Variants in NCOA1 observed in about 807,000 individuals in gnomAD.
NCOA1 encodes the protein Hin-2 protein.
A neutral mutation model predicts 150.9 loss-of-function variants in NCOA1; 35 were observed. The ratio of observed to expected loss-of-function variants is 0.23; its 90% CI spans 0.18 to 0.31. NCOA1 has a LOEUF of 0.31. Ranked by LOEUF, NCOA1 falls within the 10% of genes least tolerant of loss-of-function variation. NCOA1 has a pLI of 1.00. For missense variants in NCOA1, 1,491 were observed against 1,749.3 expected (o/e 0.85, Z 2.63); for synonymous variants, 590 against 630.0 (o/e 0.94, Z 0.95).
intron 5 of NCOA1, among the ~76,000 whole-genome samples, chr2:24,661,432 G>C (rs763205806): frequency 2.0e-5 from 3 of 152,074 alleles, no homozygotes; most frequent in Non-Finnish European, 4.4e-5. Context: ...GTTTATAACT[G>C]ATGCAAGTAT....
chr2:24,649,551 C>T (rs1376939383), intron 4 of NCOA1, among the ~76,000 whole-genome samples: 2 of 152,076 alleles, frequency 1.3e-5, no homozygotes, highest in Non-Finnish European at 2.9e-5. Flanking sequence ...CTAATTTGTT[C>T]TAATAAGATA....
intron 3 of NCOA1, among the ~76,000 whole-genome samples, chr2:24,589,807 C>T (rs903551698): frequency 1.3e-5 from 2 of 152,212 alleles, no homozygotes; most frequent in Non-Finnish European, 2.9e-5. Context: ...ACATTCTTTT[C>T]TTCTGCCCCA....
At chr2:24,609,821 A>G (rs903879967) in intron 3 of NCOA1, among the ~76,000 whole-genome samples, 3 of 152,042 alleles carry the variant, frequency 2.0e-5, no homozygotes, top group African/African-American at 7.2e-5. Context: ...ATTGATGGGA[A>G]TACATTCTCT....
intron 10 of NCOA1, among the ~76,000 whole-genome samples, chr2:24,694,770 C>T (rs913807648): frequency 4.7e-4 from 72 of 151,654 alleles, no homozygotes; most frequent in African/African-American, 1.7e-3. Context: ...ATTTAATAAA[C>T]GTACTATGGA....
chr2:24,755,749 A>G (rs936190077), intron 20 of NCOA1, among the ~76,000 whole-genome samples: 3 of 152,200 alleles, frequency 2.0e-5, no homozygotes, highest in African/African-American at 4.8e-5. Context: ...AAGAACTTAA[A>G]CTAATATACA....
intron 1 of NCOA1, among the ~76,000 whole-genome samples, chr2:24,495,077 T>TA (rs959320426): frequency 9.3e-5 from 14 of 149,996 alleles, no homozygotes; most frequent in African/African-American, 3.2e-4. Context: ...CTTCATTTCA[T>TA]AAGGAGATGA....
chr2:24,649,434 A>G (rs531433513), intron 4 of NCOA1, among the ~76,000 whole-genome samples: 2 of 152,346 alleles, frequency 1.3e-5, no homozygotes, highest in Admixed American at 6.5e-5. Flanking sequence ...ATACCAACAC[A>G]AATTAAAGTG....
At chr2:24,547,920 C>T (rs1291417881) in intron 1 of NCOA1, among the ~76,000 whole-genome samples, 4 of 133,776 alleles carry the variant, frequency 3.0e-5, no homozygotes, top group East Asian at 2.4e-4. Flanking sequence ...ACCTGGGAGA[C>T]GGAGCTTGCA....
intron 8 of NCOA1, among the ~76,000 whole-genome samples, chr2:24,685,381 T>C (rs1672355187): frequency 6.6e-6 from 1 of 152,228 alleles, no homozygotes; most frequent in Non-Finnish European, 1.5e-5. Flanking sequence ...GATATACTTA[T>C]ACTTGCACAG....
At chr2:24,649,521 G>A (rs1464545509) in intron 4 of NCOA1, among the ~76,000 whole-genome samples, 4 of 152,274 alleles carry the variant, frequency 2.6e-5, no homozygotes, top group African/African-American at 4.8e-5. Flanking sequence ...AGTTTCATAA[G>A]GAAATGTTGA....
chr2:24,660,825 C>T (rs1461582895), intron 5 of NCOA1, among the ~76,000 whole-genome samples: 1 of 151,638 alleles, frequency 6.6e-6, no homozygotes, highest in Non-Finnish European at 1.5e-5. Flanking sequence ...TTTGGAAGGC[C>T]GAGGCAGGTG....
At chr2:24,653,486 A>T (rs1670794572) in intron 4 of NCOA1, among the ~76,000 whole-genome samples, 1 of 152,192 alleles carries the variant, frequency 6.6e-6, no homozygotes, top group Non-Finnish European at 1.5e-5. Context: ...ATACAAATTA[A>T]ATATCTTTGT....
chr2:24,509,282 A>T (rs943804846), intron 1 of NCOA1, among the ~76,000 whole-genome samples: 5 of 152,248 alleles, frequency 3.3e-5, no homozygotes, highest in African/African-American at 1.2e-4. Context: ...ATTGCTAAGA[A>T]ATAGTGAAAC....
intron 1 of NCOA1, among the ~76,000 whole-genome samples, chr2:24,497,501 G>A (rs1026802617): frequency 2.0e-5 from 3 of 152,062 alleles, no homozygotes; most frequent in African/African-American, 7.2e-5. Context: ...GTGACACCCT[G>A]TCTCTACTAA....
chr2:24,549,190 A>G (rs1665727514), intron 1 of NCOA1, among the ~76,000 whole-genome samples: 1 of 152,192 alleles, frequency 6.6e-6, no homozygotes, highest in African/African-American at 2.4e-5. Flanking sequence ...CACAGGCTCA[A>G]CACCATGTGT....
rs978510747 is a variant in NCOA1, at chr2:24,564,287, T to G, written c.-395-8T>G. On this transcript the variant is annotated splice_polypyrimidine_tract_variant and splice_region_variant and intron_variant, in intron 1 of 22. Transcript: ENST00000348332. Reference sequence around the variant, plus strand: ...TGGCCCAATTGTGTCTTCTCTCTCCTGCTTTAGATCTATCCATACTAATGG... The same window carrying G: ...TGGCCCAATTGTGTCTTCTCTCTCCGGCTTTAGATCTATCCATACTAATGG... 3 of 152,200 alleles carry G rather than the reference T, an allele frequency of 2.0e-5. No individual in the cohort carries two copies. Among genetic ancestry groups the G allele is most frequent in the Admixed American group, 2.0e-4 (3 of 15,286 alleles). The allele number at this position is 152,200 out of a possible 1,614,324, so 9.4% of individuals were successfully genotyped here. A position where few individuals can be genotyped will look rare whatever the true frequency, so the allele number is the denominator to read the frequency against.
At chr2:24,642,667 C>A (rs1277331168) in intron 3 of NCOA1, among the ~76,000 whole-genome samples, 7 of 152,114 alleles carry the variant, frequency 4.6e-5, no homozygotes, top group African/African-American at 1.7e-4. Flanking sequence ...TTACAAAAGC[C>A]TGTACAGAAA....
At chr2:24,524,146 G>T (rs572520681) in intron 1 of NCOA1, among the ~76,000 whole-genome samples, 1 of 152,154 alleles carries the variant, frequency 6.6e-6, no homozygotes, top group African/African-American at 2.4e-5. Context: ...CAGAAATTCT[G>T]TTTATCAAGC....
chr2:24,737,668 A>G (rs944047140), intron 17 of NCOA1, among the ~76,000 whole-genome samples: 10 of 152,086 alleles, frequency 6.6e-5, no homozygotes, highest in Admixed American at 6.5e-5. Flanking sequence ...GAGCTCACTC[A>G]TGCTTCTTGG....
Sources: gnomAD v4.1 joint callset for allele counts (sites outside exome capture counted in the v4.1 genomes callset) on GRCh38, gnomAD v4.1.1 for gene constraint, MANE v1.5 for transcripts, NCBI Gene and HGNC (gene_info 2026-07-23, HGNC 2026-07-21) for gene names.